ZNF91: variants seen among roughly 807,000 people sequenced by gnomAD.
The protein encoded by ZNF91 is zinc finger protein 91 (HPF7, HTF10).
ZNF91 carries 7 observed loss-of-function variants against 12.6 expected under a neutral mutation model. That is an observed-to-expected ratio of 0.55 (90% confidence interval 0.31 to 1.04). The LOEUF (loss-of-function observed/expected upper bound fraction) is 1.04. ZNF91 is among the 50% of genes least tolerant of loss of function. ZNF91 has a pLI of 0.05. For missense variants in ZNF91, 1,217 were observed against 1,385.4 expected, an observed-to-expected ratio of 0.88 and a Z score of 1.93; for synonymous variants, 453 against 462.6, an observed-to-expected ratio of 0.98 and a Z score of 0.27.
chr19:23,344,168 T>C (rs561348003), intron 3 of ZNF91, among the ~76,000 whole-genome samples: 269 of 152,160 alleles, frequency 1.8e-3, no homozygotes, highest in Non-Finnish European at 3.3e-3. Flanking sequence ...GATCTTGGCT[T>C]ACTGCAAGCT....
At chr19:23,332,345 A>C (rs943041426) in intron 1 of ZNF91, among the ~76,000 whole-genome samples, 4 of 150,506 alleles carry the variant, frequency 2.7e-5, no homozygotes, top group Non-Finnish European at 5.9e-5. Context: ...CAGCATCCTA[A>C]TTTTTTTTTT....
At chr19:23,323,739 TCCTCTC>T (rs1227493332) in intron 1 of ZNF91, among the ~76,000 whole-genome samples, 1 of 123,794 alleles carries the variant, frequency 8.1e-6, no homozygotes, top group African/African-American at 3.9e-5. Context: ...CTCCTCATTC[TCCTCTC>T]CTCTTTTTCT....
intron 3 of ZNF91, among the ~76,000 whole-genome samples, chr19:23,347,930 A>T (rs1282243910): frequency 6.6e-6 from 1 of 152,176 alleles, no homozygotes; most frequent in Non-Finnish European, 1.5e-5. Flanking sequence ...AGCATTCCCA[A>T]CAACTTCAGA....
At chr19:23,313,134 T>C (rs956920960), upstream of ZNF91, among the ~76,000 whole-genome samples, 2 of 152,224 alleles carry the variant, frequency 1.3e-5, no homozygotes, top group Non-Finnish European at 2.9e-5. Context: ...CTCACATACT[T>C]AGAAACAGGA....
rs767858284 is a variant in ZNF91 at position 23,359,907 on chromosome 19, A to C, written c.3072T>G (p.Cys1024Trp). ...RMHTGEKPYK[C>W]EECGKAFNRS... The stretch of plus-strand genomic sequence containing the variant: ...GATTAAAAGCTTTGCCACATTCTTC[A>C]CATTTGTATGGTTTCTCTCCAGTGT... Residue 1024 changes from cysteine (C) to tryptophan (W), a missense_variant, in exon 4 of 4, where the codon TGT becomes TGG. This residue lies in a region of ZNF91 where 491 missense variants were observed against 489.8 expected (regional missense o/e 1.00). Transcript: ENST00000300619. 2 of 1,584,078 alleles carry C rather than the reference A, an allele frequency of 1.3e-6. No individual in the cohort carries two copies. The highest frequency in any genetic ancestry group is 1.7e-6 in the Non-Finnish European group (2 of 1,156,942).
At chr19:23,395,226 A>G in intron 1 of ZNF91, 99 bp downstream of exon 1, 2 of 1,439,874 alleles carry the variant, frequency 1.4e-6, no homozygotes, top group Non-Finnish European at 1.9e-6. Context: ...CGGATTGTGG[A>G]GCTGACTGAA....
intron 1 of ZNF91, among the ~76,000 whole-genome samples, chr19:23,319,085 C>T (rs950967761): frequency 2.0e-5 from 3 of 152,160 alleles, no homozygotes; most frequent in Admixed American, 6.5e-5. Context: ...CTAAATGATG[C>T]AATCCTCATT....
intron 1 of ZNF91, chr19:23,326,343 T>A (rs924944426): frequency 1.3e-5 from 2 of 152,200 alleles, no homozygotes; most frequent in South Asian, 4.1e-4. Context: ...TTTACTTGTT[T>A]GAGAGGTGGA....
chr19:23,374,576 A>AG (rs1042775963), intron 2 of ZNF91, 62 bp downstream of exon 2: 24 of 1,452,298 alleles, frequency 1.7e-5, no homozygotes, highest in East Asian at 1.0e-4. Flanking sequence ...AAAAAAAAAA[A>AG]AAAAGAAAAG....
chr19:23,381,842 C>T (rs1219535697), intron 1 of ZNF91, among the ~76,000 whole-genome samples: 3 of 152,072 alleles, frequency 2.0e-5, no homozygotes. Context: ...TTCTGTCAAA[C>T]AACTTACTCA....
chr19:23,385,380 T>C (rs1303608920), intron 1 of ZNF91: 1 of 336,094 alleles, frequency 3.0e-6, no homozygotes, highest in Non-Finnish European at 5.3e-6. Flanking sequence ...TCTGAAGCTG[T>C]ATTTGCAGTT....
Position 23,361,370 on chromosome 19 carries a change from T to G in ZNF91, c.1609A>C (p.Lys537Gln), listed in dbSNP as rs369361132. ...GGTTTCTCTCTACTATGAATTATCT[T>G]ATGTTTATTAAGGGTTAAGGATTGT... ...FRQSLTLNKH[K>Q]IIHSREKPYK... Residue 537 changes from lysine (K) to glutamine (Q), a missense_variant, in exon 4 of 4, where the codon AAG becomes CAG. Physicochemically the swap from Lys to Gln is moderately conservative, Grantham distance 53 (BLOSUM62 1). This residue lies in a region of ZNF91 where 726 missense variants were observed against 895.5 expected (regional missense o/e 0.81). Coordinates refer to ENST00000300619, the MANE Select transcript of ZNF91 (RefSeq NM_003430.4). 8.7e-6 allele frequency: 14 copies of G among 1,605,728 alleles called. No homozygotes were observed. The African/African-American group carries it at 1.8e-4, about 20-fold the overall frequency.
chr19:23,380,777 A>G (rs1280098109), intron 1 of ZNF91: 1 of 152,224 alleles, frequency 6.6e-6, no homozygotes, highest in African/African-American at 2.4e-5. Flanking sequence ...GCAGAATTTT[A>G]GAAGATTTTT....
At chr19:23,347,585 G>A (rs1278967215) in intron 3 of ZNF91, among the ~76,000 whole-genome samples, 2 of 152,138 alleles carry the variant, frequency 1.3e-5, no homozygotes, top group African/African-American at 4.8e-5. Flanking sequence ...GGTATGTCAA[G>A]GAAGGGTGCT....
At chr19:23,334,001 C>G (rs1599695988), downstream of ZNF91, among the ~76,000 whole-genome samples, 3 of 152,224 alleles carry the variant, frequency 2.0e-5, no homozygotes, top group East Asian at 5.8e-4. Context: ...CTAAAATTCA[C>G]CAGTGACTCA....
intron 1 of ZNF91, among the ~76,000 whole-genome samples, chr19:23,394,547 A>G (rs1970166824): frequency 6.6e-6 from 1 of 152,072 alleles, no homozygotes; most frequent in Non-Finnish European, 1.5e-5. Flanking sequence ...CCTGGCCAAC[A>G]AGGTGAAACC....
Position 23,362,059 on chromosome 19 carries a change from G to C in ZNF91, c.920C>G (p.Ser307Ter). The change falls in exon 4 of 4, where the codon TCA (serine) becomes TGA (stop). Residue 307 changes from serine (S) to a stop codon, truncating the protein, a stop_gained. Transcript: ENST00000300619. LOFTEE classifies it low-confidence loss of function (END_TRUNC). ...EECGKAFSHS[S>*]TLAKHKRIHT... ...AATTCTCTTATGTTTAGCAAGGGTT[G>C]AAGAATGGCTAAAAGCTTTGCCACA... 6.2e-7 allele frequency: 1 copy of C among 1,613,960 alleles called. No individual in the cohort carries two copies. The highest frequency in any genetic ancestry group is 1.1e-5 in the South Asian group (1 of 91,072).
chr19:23,335,474 C>A (rs1967988559), downstream of ZNF91, among the ~76,000 whole-genome samples: 2 of 152,224 alleles, frequency 1.3e-5, no homozygotes, highest in Non-Finnish European at 2.9e-5. Flanking sequence ...GGGCTCCAAC[C>A]AATTCAAACT....
intron 1 of ZNF91, 59 bp from the exon 2 acceptor site, chr19:23,374,823 T>C (rs1969444823): frequency 1.9e-6 from 3 of 1,589,248 alleles, no homozygotes; most frequent in East Asian, 2.3e-5. Context: ...AATTTTTCAT[T>C]TGACTCAAGG....
Sources: gnomAD v4.1 joint callset for allele counts (sites outside exome capture counted in the v4.1 genomes callset) on GRCh38, gnomAD v4.1.1 for gene constraint, gnomAD v4.1.1 regional missense constraint, MANE v1.5 for transcripts, NCBI Gene and HGNC (gene_info 2026-07-23, HGNC 2026-07-21) for gene names.